GRM3: variants seen among roughly 807,000 people sequenced by gnomAD.
GRM3 encodes the protein metabotropic glutamate receptor 3.
GRM3 carries 26 observed loss-of-function variants against 70.5 expected under a neutral mutation model. The ratio of observed to expected loss-of-function variants is 0.37; its 90% CI spans 0.27 to 0.51. GRM3 has a LOEUF of 0.51. Among genes scored for constraint, GRM3 ranks in the 20% least tolerant of loss-of-function variants. The pLI, the probability that GRM3 is intolerant of heterozygous loss-of-function variation, is 0.93. For synonymous variants in GRM3, 443 were observed against 434.9 expected (o/e 1.02, Z -0.23); for missense variants, 859 against 1,123.8 (o/e 0.76, Z 3.37).
rs964466188 is a variant in GRM3, at chr7:86,839,509, C to T, written c.1995C>T (p.Cys665=). 1 of 1,607,988 alleles carries T rather than the reference C, an allele frequency of 6.2e-7. No homozygotes were observed. Among genetic ancestry groups the T allele is most frequent in the African/African-American group, 1.3e-5 (1 of 74,758 alleles). The change falls in exon 4 of 6, where the codon TGC becomes TGT. Residue 665 remains cysteine (C), a synonymous_variant. Transcript: ENST00000361669. This position sits in a 1 kb window ranked among gnomAD's most constrained non-coding sequence, Gnocchi z 4.5. ...CYSALLTKTN[C]IARIFDGVKN... ...CAGCCCTGCTGACCAAGACAAACTG[C>T]ATTGCCCGCATCTTCGATGGGGTCA...
At chr7:86,821,802 G>A (rs1010946569) in intron 3 of GRM3, among the ~76,000 whole-genome samples, 3 of 152,082 alleles carry the variant, frequency 2.0e-5, no homozygotes, top group East Asian at 1.9e-4. Flanking sequence ...TTGTCACCAC[G>A]CTTCCTTAAT....
intron 1 of GRM3, among the ~76,000 whole-genome samples, chr7:86,726,727 G>A (rs1011582193): frequency 6.6e-6 from 1 of 152,138 alleles, no homozygotes; most frequent in Non-Finnish European, 1.5e-5. Context: ...AAAGCACTAA[G>A]AACTTCTTTA....
intron 4 of GRM3, among the ~76,000 whole-genome samples, chr7:86,849,307 A>G (rs967731012): frequency 3.3e-5 from 5 of 152,192 alleles, no homozygotes; most frequent in Non-Finnish European, 7.3e-5. Flanking sequence ...AGGGGTCCCA[A>G]GGTGGAGAGC....
intron 3 of GRM3, among the ~76,000 whole-genome samples, chr7:86,822,087 A>G (rs931856932): frequency 6.6e-6 from 1 of 152,272 alleles, no homozygotes; most frequent in East Asian, 1.9e-4. Flanking sequence ...ATAACAGCAC[A>G]GTGGCACCAG....
At chr7:86,798,174 T>C (rs1797598807) in intron 3 of GRM3, among the ~76,000 whole-genome samples, 1 of 152,136 alleles carries the variant, frequency 6.6e-6, no homozygotes, top group Non-Finnish European at 1.5e-5. Context: ...ATTCCCCATC[T>C]GGGGACTGCA....
intron 1 of GRM3, among the ~76,000 whole-genome samples, chr7:86,684,446 C>T (rs1010214899): frequency 1.3e-5 from 2 of 152,142 alleles, no homozygotes; most frequent in East Asian, 1.9e-4. Flanking sequence ...ACAGAATAAA[C>T]GATTTAATGA....
chr7:86,825,649 C>A (rs1224981236), intron 3 of GRM3, among the ~76,000 whole-genome samples: 1 of 152,190 alleles, frequency 6.6e-6, no homozygotes, highest in Non-Finnish European at 1.5e-5. Flanking sequence ...TCAGTTACTG[C>A]ATGCTTAGCT....
intron 2 of GRM3, among the ~76,000 whole-genome samples, chr7:86,770,895 G>A (rs1364339850): frequency 6.6e-6 from 1 of 151,994 alleles, no homozygotes; most frequent in Non-Finnish European, 1.5e-5. Flanking sequence ...GTTTTGGGCT[G>A]GATATAAGGC....
intron 1 of GRM3, among the ~76,000 whole-genome samples, chr7:86,737,718 G>A (rs1429086814): frequency 6.6e-6 from 1 of 152,134 alleles, no homozygotes; most frequent in East Asian, 1.9e-4. Flanking sequence ...TTATCAAGGG[G>A]CAGCTTTGCT....
At chr7:86,743,876 A>G (rs1796045089) in intron 1 of GRM3, among the ~76,000 whole-genome samples, 1 of 152,150 alleles carries the variant, frequency 6.6e-6, no homozygotes, top group South Asian at 2.1e-4. Context: ...GTAATTCCTC[A>G]AGAAGAGAGC....
At chr7:86,652,817 G>A (rs1255416568) in intron 1 of GRM3, among the ~76,000 whole-genome samples, 4 of 152,094 alleles carry the variant, frequency 2.6e-5, no homozygotes, top group Non-Finnish European at 5.9e-5. Context: ...TGAAATTATT[G>A]CCCAGAGAGC....
intron 1 of GRM3, among the ~76,000 whole-genome samples, chr7:86,689,268 T>A (rs191521423): frequency 6.6e-6 from 1 of 152,014 alleles, no homozygotes; most frequent in East Asian, 1.9e-4. Context: ...CTACACTATA[T>A]AGAAAGTTGC....
chr7:86,745,414 G>T (rs1796079063), intron 1 of GRM3, among the ~76,000 whole-genome samples: 1 of 151,936 alleles, frequency 6.6e-6, no homozygotes, highest in Non-Finnish European at 1.5e-5. Context: ...CTAGAAACAT[G>T]GTCACCAAAA....
chr7:86,819,361 C>T (rs903671407), intron 3 of GRM3, among the ~76,000 whole-genome samples: 1 of 152,080 alleles, frequency 6.6e-6, no homozygotes, highest in African/African-American at 2.4e-5. Context: ...AAGGATTTTA[C>T]ATTTATTCCA....
intron 1 of GRM3, among the ~76,000 whole-genome samples, chr7:86,655,830 G>GTA (rs1216291418): frequency 1.5e-5 from 2 of 130,714 alleles, no homozygotes; most frequent in Admixed American, 7.4e-5. Context: ...CTGTGTGTGT[G>GTA]TGTGTGTGTG....
chr7:86,733,111 G>A (rs1049038780), intron 1 of GRM3, among the ~76,000 whole-genome samples: 16 of 151,926 alleles, frequency 1.1e-4, no homozygotes, highest in Non-Finnish European at 1.6e-4. Context: ...TCAGGAGATC[G>A]AGACCATCCT....
intron 3 of GRM3, among the ~76,000 whole-genome samples, chr7:86,800,547 G>A (rs1190690860): frequency 6.6e-6 from 1 of 152,104 alleles, no homozygotes; most frequent in Non-Finnish European, 1.5e-5. Context: ...AGAATAAATG[G>A]ATAAATTCCT....
chr7:86,661,011 C>T (rs1227437272), intron 1 of GRM3, among the ~76,000 whole-genome samples: 1 of 151,958 alleles, frequency 6.6e-6, no homozygotes, highest in African/African-American at 2.4e-5. Context: ...CCTCAAAGAT[C>T]TTTCTTTACA....
chr7:86,749,833 G>A (rs997138660), intron 1 of GRM3, among the ~76,000 whole-genome samples: 5 of 151,932 alleles, frequency 3.3e-5, no homozygotes, highest in Non-Finnish European at 7.4e-5. Flanking sequence ...TGAGACATTA[G>A]GACACAATTC....
Sources: allele counts gnomAD v4.1 joint callset (sites outside exome capture counted in the v4.1 genomes callset), GRCh38; gene constraint gnomAD v4.1.1; non-coding constraint Gnocchi (gnomAD v3.1); transcripts MANE v1.5; gene names NCBI Gene and HGNC (gene_info 2026-07-23, HGNC 2026-07-21).